CSMD1: variants seen among roughly 807,000 people sequenced by gnomAD.
CSMD1 encodes the protein CUB and sushi domain-containing protein 1.
CSMD1 carries 213 observed loss-of-function variants against 417.5 expected under a neutral mutation model. The ratio of observed to expected loss-of-function variants is 0.51; its 90% CI spans 0.46 to 0.57. The LOEUF is 0.57. Ranked by LOEUF, CSMD1 falls within the 20% of genes least tolerant of loss-of-function variation. The probability of loss-of-function intolerance (pLI) is 0.00; values close to 1 mark genes in which losing one functional copy is unlikely to be tolerated. For synonymous variants in CSMD1, 2,862 were observed against 1,736.8 expected, an observed-to-expected ratio of 1.65 and a Z score of -16.11; for missense variants, 6,923 against 4,529.7, an observed-to-expected ratio of 1.53 and a Z score of -15.17.
intron 3 of CSMD1, among the ~76,000 whole-genome samples, chr8:4,329,392 G>A (rs1362442608): frequency 6.6e-6 from 1 of 152,098 alleles, no homozygotes; most frequent in Non-Finnish European, 1.5e-5. Flanking sequence ...AGGTACAAGT[G>A]ATTCTCCCAC....
intron 42 of CSMD1, among the ~76,000 whole-genome samples, chr8:3,114,819 T>C (rs906009378): frequency 6.6e-6 from 1 of 152,226 alleles, no homozygotes; most frequent in Non-Finnish European, 1.5e-5. Flanking sequence ...ATTGTTTAGC[T>C]GCTTGCATTT....
At chr8:4,380,392 C>G (rs1229166217) in intron 3 of CSMD1, among the ~76,000 whole-genome samples, 1 of 152,178 alleles carries the variant, frequency 6.6e-6, no homozygotes, top group Non-Finnish European at 1.5e-5. Context: ...CTCCAGTCAA[C>G]ACATGAGGAA....
chr8:3,547,641 T>C (rs1798724397), intron 10 of CSMD1, among the ~76,000 whole-genome samples: 1 of 152,222 alleles, frequency 6.6e-6, no homozygotes, highest in East Asian at 1.9e-4. Flanking sequence ...ATAAAGTGGG[T>C]TTGTAAGTAA....
At chr8:4,158,383 C>A (rs1158664433) in intron 3 of CSMD1, among the ~76,000 whole-genome samples, 1 of 152,002 alleles carries the variant, frequency 6.6e-6, no homozygotes, top group Non-Finnish European at 1.5e-5. Context: ...ATGAATACAG[C>A]CACTAGTGCG....
intron 8 of CSMD1, among the ~76,000 whole-genome samples, chr8:3,599,772 G>A (rs760623915): frequency 5.9e-5 from 9 of 152,060 alleles, no homozygotes; most frequent in Non-Finnish European, 1.3e-4. Context: ...GGTCCTTCCC[G>A]CTTGGCATGG....
At chr8:4,172,488 TA>T (rs377382512) in intron 3 of CSMD1, among the ~76,000 whole-genome samples, 62 of 146,786 alleles carry the variant, frequency 4.2e-4, no homozygotes, top group Middle Eastern at 3.5e-3. Context: ...ACATGACAAT[TA>T]AAAAAAAAAA....
intron 56 of CSMD1, among the ~76,000 whole-genome samples, chr8:2,973,893 G>T (rs1322960254): frequency 6.7e-6 from 1 of 149,526 alleles, no homozygotes; most frequent in Non-Finnish European, 1.5e-5. Context: ...GGTAGAGGAT[G>T]ATGGTAGAGG....
chr8:4,534,375 G>C (rs890618901), intron 2 of CSMD1, among the ~76,000 whole-genome samples: 3 of 152,202 alleles, frequency 2.0e-5, no homozygotes, highest in Non-Finnish European at 4.4e-5. Context: ...CCTTTGCATG[G>C]ATGGTTTATC....
At chr8:4,573,304 G>A (rs772979986) in intron 2 of CSMD1, among the ~76,000 whole-genome samples, 1 of 152,024 alleles carries the variant, frequency 6.6e-6, no homozygotes, top group Non-Finnish European at 1.5e-5. Context: ...TGGGATTTTC[G>A]CATGGGCATC....
chr8:3,675,323 T>C (rs1585056851), intron 7 of CSMD1, among the ~76,000 whole-genome samples: 1 of 152,194 alleles, frequency 6.6e-6, no homozygotes, highest in African/African-American at 2.4e-5. Context: ...ACGTCTCCAC[T>C]GTCTAACATG....
intron 23 of CSMD1, among the ~76,000 whole-genome samples, chr8:3,311,276 C>G (rs10104724): frequency 0.91 from 137,626 of 152,068 alleles, 62,564 homozygotes; most frequent in Middle Eastern, 0.96. Flanking sequence ...TTTGGAAATG[C>G]AGTCTGTCTG....
chr8:3,656,453 T>A (rs1798113271), intron 7 of CSMD1, among the ~76,000 whole-genome samples: 1 of 152,072 alleles, frequency 6.6e-6, no homozygotes, highest in African/African-American at 2.4e-5. Context: ...AGTGAAAAGA[T>A]GGTGTTTGGT....
rs185648654 is a variant in CSMD1 at position 2,991,386 on chromosome 8, T to C, written c.8377+6625A>G. 1.1e-3 allele frequency among the ~76,000 whole-genome samples: 168 copies of C among 152,358 alleles called. 1 individual carries two copies. The highest frequency in any genetic ancestry group is 1.7e-3 in the Non-Finnish European group (114 of 68,032). ...TCACTGTTGGAGATTTTTTTGGCAA[T>C]GCAATCAATGAGTTAAATGGAAATA... On this transcript the variant is annotated intron_variant, in intron 54 of 69. Transcript: ENST00000635120.
intron 7 of CSMD1, among the ~76,000 whole-genome samples, chr8:3,661,734 T>G (rs1287530866): frequency 6.6e-6 from 1 of 152,120 alleles, no homozygotes; most frequent in Non-Finnish European, 1.5e-5. Flanking sequence ...TGACCTCAAG[T>G]GATTCACCCG....
chr8:3,895,477 A>C (rs1375435547), intron 5 of CSMD1, among the ~76,000 whole-genome samples: 1 of 152,142 alleles, frequency 6.6e-6, no homozygotes, highest in Non-Finnish European at 1.5e-5. Context: ...AAAAGAAAAA[A>C]TCAATATTAT....
At chr8:4,278,473 A>G (rs1280141694) in intron 3 of CSMD1, among the ~76,000 whole-genome samples, 1 of 152,240 alleles carries the variant, frequency 6.6e-6, no homozygotes, top group Non-Finnish European at 1.5e-5. Flanking sequence ...TTTAACATGA[A>G]AGCAGCATTT....
At chr8:4,788,201 T>A (rs778779241) in intron 1 of CSMD1, 4 of 1,592,834 alleles carry the variant, frequency 2.5e-6, no homozygotes, top group Non-Finnish European at 3.4e-6. Context: ...CATGTGAACT[T>A]TGAGTAACAT....
At chr8:3,339,876 A>G (rs1807528863) in intron 23 of CSMD1, among the ~76,000 whole-genome samples, 1 of 152,222 alleles carries the variant, frequency 6.6e-6, no homozygotes, top group Non-Finnish European at 1.5e-5. Flanking sequence ...GAAGCATATT[A>G]TCTGGTATGA....
intron 3 of CSMD1, among the ~76,000 whole-genome samples, chr8:4,348,148 G>A (rs188158565): frequency 1.6e-4 from 25 of 152,208 alleles, no homozygotes; most frequent in Admixed American, 7.9e-4. Context: ...AGACCTTTTC[G>A]GTTTTTAAAA....
Sources: allele counts gnomAD v4.1 joint callset (sites outside exome capture counted in the v4.1 genomes callset), GRCh38; gene constraint gnomAD v4.1.1; transcripts MANE v1.5; gene names NCBI Gene and HGNC (gene_info 2026-07-23, HGNC 2026-07-21).